The following FCMR variants were observed in gnomAD, a reference collection of about 807,000 sequenced individuals.
The protein encoded by FCMR is immunoglobulin mu Fc receptor.
Under a neutral mutation model 41.6 loss-of-function variants are expected in FCMR, and 34 were observed. That is an observed-to-expected ratio of 0.82 (90% CI 0.62 to 1.09). The LOEUF (loss-of-function observed/expected upper bound fraction) is 1.09. FCMR is among the 50% of genes least tolerant of loss of function. The pLI is 0.00. For missense variants in FCMR, 496 were observed against 512.5 expected (o/e 0.97, Z 0.31); for synonymous variants, 209 against 211.8 (o/e 0.99, Z 0.12).
rs1376144367 is a variant in FCMR, at chr1:206,909,559, G to T, written c.986-39C>A. On this transcript the variant is annotated intron_variant, in intron 6 of 7. Coordinates refer to ENST00000367091, the MANE Select transcript of FCMR (RefSeq NM_005449.5). The surrounding 1 kb of genome is among the most constrained non-coding windows in gnomAD (Gnocchi z 5.0). Reference sequence around the variant, plus strand: ...AGGGCGAGGTGAGGCGGCGGCCGAGGCTCCCGCCCCACCGTCATGCTACTA... The same window carrying T: ...AGGGCGAGGTGAGGCGGCGGCCGAGTCTCCCGCCCCACCGTCATGCTACTA... 20 of 1,305,346 alleles carry T rather than the reference G, an allele frequency of 1.5e-5. No individual in the cohort carries two copies. In the South Asian group the frequency reaches 1.8e-4, roughly 12 times the overall value. The allele number at this position is 1,305,346 out of a possible 1,614,324, so 80.9% of individuals were successfully genotyped here.
At position 206,913,052 on chromosome 1, in the gene FCMR, G is replaced by A; in HGVS notation, c.374-10C>T. 1 of 1,599,506 alleles carries A rather than the reference G, an allele frequency of 6.3e-7. No individual in the cohort carries two copies. Among genetic ancestry groups the A allele is most frequent in the Non-Finnish European group, 8.6e-7 (1 of 1,166,978 alleles). ...CATGATGGCTCGTATTCTATTGGAAGGAAGAGGAATATGTTGGTGGTCTCT... is the reference window on the plus strand; with the variant it reads ...CATGATGGCTCGTATTCTATTGGAAAGAAGAGGAATATGTTGGTGGTCTCT... On this transcript the variant is annotated splice_polypyrimidine_tract_variant and intron_variant, in intron 2 of 7. Transcript: ENST00000367091.
chr1:206,918,650 A>AGTGTGTGTGT (rs10652847), intron 1 of FCMR, among the ~76,000 whole-genome samples: 2,226 of 145,958 alleles, frequency 0.015, 42 homozygotes, highest in African/African-American at 0.039. Context: ...ATAAATTTTA[A>AGTGTGTGTGT]GTGTGTGTGT....
chr1:206,921,377 G>A (rs1483429549), intron 1 of FCMR: 1 of 447,154 alleles, frequency 2.2e-6, no homozygotes, highest in Admixed American at 2.4e-5. Context: ...GAGCCAGGAG[G>A]ATCACTTAAG....
intron 5 of FCMR, 104 bp downstream of exon 5, chr1:206,910,106 C>A: frequency 7.6e-7 from 1 of 1,322,798 alleles, no homozygotes; most frequent in South Asian, 1.6e-5. Flanking sequence ...CCCCAGGCTG[C>A]TCATCAAAAG....
chr1:206,915,340 G>C (rs901137035), intron 1 of FCMR, among the ~76,000 whole-genome samples: 1 of 152,142 alleles, frequency 6.6e-6, no homozygotes, highest in African/African-American at 2.4e-5. Context: ...AATAAGTGAC[G>C]TCTGAGTTGT....
chr1:206,915,787 G>C (rs1056462507), intron 1 of FCMR, among the ~76,000 whole-genome samples: 1 of 152,142 alleles, frequency 6.6e-6, no homozygotes, highest in African/African-American at 2.4e-5. Context: ...CATGTCCATG[G>C]GCGGAGAGAC....
intron 7 of FCMR, chr1:206,906,347 G>C (rs1678643454): frequency 4.7e-6 from 1 of 214,708 alleles, no homozygotes; most frequent in African/African-American, 2.3e-5. Flanking sequence ...ACGGGAAGAA[G>C]ATGAGGCTGA....
At chr1:206,916,992 T>C (rs757035808) in intron 1 of FCMR, among the ~76,000 whole-genome samples, 22 of 152,248 alleles carry the variant, frequency 1.4e-4, no homozygotes, top group Non-Finnish European at 2.4e-4. Flanking sequence ...ACCTGTTCAA[T>C]AGTAATATTT....
At chr1:206,911,282 A>G (rs943527461) in intron 4 of FCMR, among the ~76,000 whole-genome samples, 21 of 150,208 alleles carry the variant, frequency 1.4e-4, no homozygotes, top group Non-Finnish European at 2.4e-4. Context: ...CCCTAGTGGT[A>G]TATTGCAGTA....
chr1:206,909,855 C>T lies in FCMR; in HGVS notation c.855G>A (p.Arg285=), dbSNP rs1006346624. The T allele has an allele frequency of 2.4e-5, 33 of 1,382,096 alleles. No homozygotes were observed. The highest frequency in any genetic ancestry group is 3.0e-5 in the Non-Finnish European group (32 of 1,069,594). The allele number at this position is 1,382,096 out of a possible 1,614,324, so 85.6% of individuals were successfully genotyped here. Residue 285 remains arginine (R), a synonymous_variant, in exon 6 of 8, where the codon CGG becomes CGA. Transcript: ENST00000367091. This position sits in a 1 kb window ranked among gnomAD's most constrained non-coding sequence, Gnocchi z 5.0. ...GCATCCTCACGGCCAGTCGGCGGGC[C>T]CGCCTGGAGAGGGCTTCCCCACAAA... ...AVERRKALSR[R]ARRLAVRMRA... is the part of the protein sequence containing the mutation.
chr1:206,921,874 G>A lies in FCMR; in HGVS notation c.-20C>T. On this transcript the variant is annotated 5_prime_UTR_variant, in exon 1 of 8. Transcript: ENST00000367091. ...GTCCATTGTCCCTTCTAGAGTGCAA[G>A]GTCCATCCAAGAGCCCCTAGAGAGG... The A allele has an allele frequency of 3.1e-6, 5 of 1,613,638 alleles. No individual in the cohort carries two copies. The highest frequency in any genetic ancestry group is 4.2e-6 in the Non-Finnish European group (5 of 1,179,628).
Position 206,913,941 on chromosome 1 carries a change from G to A in FCMR, c.191C>T (p.Thr64Ile). 1 of 1,614,210 alleles carries A rather than the reference G, an allele frequency of 6.2e-7. No individual in the cohort carries two copies. Residue 64 changes from threonine to isoleucine, a missense_variant, in exon 2 of 8, where the codon ACC becomes ATC. Physicochemically the swap from Thr to Ile is moderately conservative, Grantham distance 89. Coordinates refer to ENST00000367091, the MANE Select transcript of FCMR (RefSeq NM_005449.5). ...GTATTCTGCCTTGATGAAGTTGGTG[G>A]TGGATACCACGGTACCACATGTTCC... ...GSGTCGTVVS[T>I]TNFIKAEYKG... is the part of the protein sequence containing the mutation.
In FCMR at chr1:206,909,633, C is replaced by T; in HGVS notation, c.985+92G>A. ...CTCCCAGCTCCACCCTGTGGGAAGC[C>T]CTGGCACCTGGGAGCGCGCCCCGCT... On this transcript the variant is annotated intron_variant, in intron 6 of 7. Coordinates refer to ENST00000367091, the MANE Select transcript of FCMR (RefSeq NM_005449.5). This position sits in a 1 kb window ranked among gnomAD's most constrained non-coding sequence, Gnocchi z 5.0. 4 of 1,331,612 alleles carry T rather than the reference C, an allele frequency of 3.0e-6. No individual in the cohort carries two copies. Among genetic ancestry groups the T allele is most frequent in the Non-Finnish European group, 9.6e-7 (1 of 1,038,554 alleles). The allele number at this position is 1,331,612 out of a possible 1,614,324, so 82.5% of individuals were successfully genotyped here. A position where few individuals can be genotyped will look rare whatever the true frequency, so the allele number is the denominator to read the frequency against.
chr1:206,914,085 G>T lies in FCMR; in HGVS notation c.47C>A (p.Ala16Asp), dbSNP rs770859702. ...WPLYFLPVSG[A>D]LRILPEVKVE... Reference sequence around the variant, plus strand: ...CTTTACTTCTGGGAGGATCCTCAGGGCCCCCGATACTGCAGGGAGAGGAGA... The same window carrying T: ...CTTTACTTCTGGGAGGATCCTCAGGTCCCCCGATACTGCAGGGAGAGGAGA... Residue 16 changes from alanine to aspartate, a missense_variant, in exon 2 of 8, where the codon GCC becomes GAC. Physicochemically the swap from Ala to Asp is moderately radical, Grantham distance 126 (BLOSUM62 -2). Coordinates refer to ENST00000367091, the MANE Select transcript of FCMR (RefSeq NM_005449.5). The T allele has an allele frequency of 6.2e-7, 1 of 1,612,738 alleles. No individual in the cohort carries two copies. Among genetic ancestry groups the T allele is most frequent in the East Asian group, 2.2e-5 (1 of 44,868 alleles).
chr1:206,907,087 T>TGGGGGGG (rs1441828397), intron 7 of FCMR, among the ~76,000 whole-genome samples: 1 of 19,540 alleles, frequency 5.1e-5, no homozygotes, highest in African/African-American at 1.7e-4. Flanking sequence ...AGCCGGGGGG[T>TGGGGGGG]GGGGGGGTGG....
intron 1 of FCMR, 147 bp from the exon 2 acceptor site, chr1:206,914,241 A>C (rs374863448): frequency 4.8e-6 from 3 of 629,700 alleles, no homozygotes; most frequent in Non-Finnish European, 8.4e-6. Context: ...CCCTGTCCCA[A>C]TTATTAGCCT....
intron 2 of FCMR, 134 bp from the exon 3 acceptor site, chr1:206,913,176 G>A: frequency 1.4e-6 from 1 of 710,650 alleles, no homozygotes. Context: ...AAGCAGAGAA[G>A]GAGCTGGGTT....
At chr1:206,920,109 G>A (rs1196672677) in intron 1 of FCMR, among the ~76,000 whole-genome samples, 2 of 152,168 alleles carry the variant, frequency 1.3e-5, no homozygotes, top group Non-Finnish European at 2.9e-5. Flanking sequence ...GGGGGCTCAG[G>A]AATGTCTACA....
intron 7 of FCMR, chr1:206,907,841 GC>G: frequency 2.1e-6 from 3 of 1,403,494 alleles, no homozygotes; most frequent in Non-Finnish European, 3.0e-6. Context: ...CCACTTCCCG[GC>G]CCCCAGCCGC....
Sources: gnomAD v4.1 joint callset for allele counts (sites outside exome capture counted in the v4.1 genomes callset) on GRCh38, gnomAD v4.1.1 for gene constraint, Gnocchi (gnomAD v3.1) non-coding constraint, MANE v1.5 for transcripts, NCBI Gene and HGNC (gene_info 2026-07-23, HGNC 2026-07-21) for gene names.